Variants in NEGR1 observed in about 807,000 individuals in gnomAD.
The protein encoded by NEGR1 is neuronal growth regulator 1.
A neutral mutation model predicts 40.9 loss-of-function variants in NEGR1; 10 were observed. The ratio of observed to expected loss-of-function variants is 0.24; its 90% CI spans 0.15 to 0.42. The LOEUF (loss-of-function observed/expected upper bound fraction) is 0.42, where lower values mean the gene tolerates loss of function less well. NEGR1 is among the 10% of genes least tolerant of loss of function. The pLI is 1.00. For synonymous variants in NEGR1, 185 were observed against 166.8 expected, an observed-to-expected ratio of 1.11 and a Z score of -0.84; for missense variants, 352 against 438.9, an observed-to-expected ratio of 0.80 and a Z score of 1.77.
At chr1:71,798,495 C>T (rs1444480176) in intron 2 of NEGR1, among the ~76,000 whole-genome samples, 2 of 152,146 alleles carry the variant, frequency 1.3e-5, no homozygotes, top group Non-Finnish European at 2.9e-5. Flanking sequence ...TTAATTATAT[C>T]TTCACTGTGC....
chr1:71,614,364 TCACAAA>T (rs770460063), intron 4 of NEGR1, among the ~76,000 whole-genome samples: 3 of 152,190 alleles, frequency 2.0e-5, no homozygotes, highest in Non-Finnish European at 4.4e-5. Flanking sequence ...ATACGTATAT[TCACAAA>T]CACAAGAAAT....
At chr1:71,850,639 A>G (rs576547770) in intron 2 of NEGR1, among the ~76,000 whole-genome samples, 299 of 152,288 alleles carry the variant, frequency 2.0e-3, no homozygotes, top group Middle Eastern at 0.014. Flanking sequence ...AATTATTTCT[A>G]CATACTTTTG....
intron 2 of NEGR1, among the ~76,000 whole-genome samples, chr1:71,851,442 A>G (rs928794773): frequency 1.3e-5 from 2 of 152,198 alleles, no homozygotes; most frequent in African/African-American, 4.8e-5. Context: ...TTTTAAAATT[A>G]TTTTTACTAC....
chr1:72,205,290 G>A (rs1388517409), intron 1 of NEGR1, among the ~76,000 whole-genome samples: 2 of 151,668 alleles, frequency 1.3e-5, no homozygotes, highest in Non-Finnish European at 1.5e-5. Flanking sequence ...TTAACTCTAT[G>A]GCCACTACTT....
At chr1:71,443,147 A>G (rs1273353658) in intron 6 of NEGR1, among the ~76,000 whole-genome samples, 1 of 152,182 alleles carries the variant, frequency 6.6e-6, no homozygotes, top group Non-Finnish European at 1.5e-5. Context: ...TCTAAACATT[A>G]TACTTATTTA....
chr1:71,864,367 G>C (rs1660050451), intron 2 of NEGR1, among the ~76,000 whole-genome samples: 1 of 152,152 alleles, frequency 6.6e-6, no homozygotes, highest in Non-Finnish European at 1.5e-5. Flanking sequence ...GAATGGTCTA[G>C]CAGTGGCTAG....
At chr1:71,618,967 G>A (rs543876058) in intron 4 of NEGR1, among the ~76,000 whole-genome samples, 33 of 152,108 alleles carry the variant, frequency 2.2e-4, no homozygotes, top group Non-Finnish European at 3.8e-4. Flanking sequence ...TATGTTGTCC[G>A]TGACTTTTAA....
In NEGR1 at chr1:71,966,967, T is replaced by A. The variant is rs574316276; in HGVS notation, c.177-31656A>T. ...CTTAGAAGAAGGGTGCAAGTCAATT[T>A]TACTATAATTTTATATTCAGTAGGC... On this transcript the variant is annotated intron_variant, in intron 1 of 6. Coordinates refer to ENST00000357731, the MANE Select transcript of NEGR1 (RefSeq NM_173808.3). 2.0e-5 allele frequency among the ~76,000 whole-genome samples: 3 copies of A among 152,296 alleles called. No homozygotes were observed. In the East Asian group the frequency reaches 5.8e-4, roughly 29 times the overall value.
intron 1 of NEGR1, among the ~76,000 whole-genome samples, chr1:72,004,114 C>T (rs1401300339): frequency 6.6e-6 from 1 of 151,790 alleles, no homozygotes; most frequent in Non-Finnish European, 1.5e-5. Flanking sequence ...TGCCTTAAGC[C>T]ACTATTCTTT....
At chr1:71,713,281 T>A (rs955151618) in intron 3 of NEGR1, among the ~76,000 whole-genome samples, 1 of 152,228 alleles carries the variant, frequency 6.6e-6, no homozygotes, top group Non-Finnish European at 1.5e-5. Context: ...GGGAAAATTA[T>A]TTGTGCATTT....
chr1:71,876,138 A>T (rs954683925), intron 2 of NEGR1, among the ~76,000 whole-genome samples: 2 of 152,174 alleles, frequency 1.3e-5, no homozygotes, highest in African/African-American at 2.4e-5. Flanking sequence ...ATTTTTTAAC[A>T]TATTAACTCT....
intron 1 of NEGR1, among the ~76,000 whole-genome samples, chr1:71,978,702 A>T (rs1454435485): frequency 1.3e-5 from 2 of 152,186 alleles, no homozygotes; most frequent in African/African-American, 4.8e-5. Flanking sequence ...AAAATCAAAA[A>T]TAACATGCTA....
intron 3 of NEGR1, among the ~76,000 whole-genome samples, chr1:71,731,905 A>G (rs1321748865): frequency 1.3e-5 from 2 of 152,208 alleles, no homozygotes; most frequent in Admixed American, 6.5e-5. Flanking sequence ...GGGGAGAGTC[A>G]ATTTAGCATG....
At chr1:71,832,847 A>C (rs1257166930) in intron 2 of NEGR1, among the ~76,000 whole-genome samples, 1 of 152,062 alleles carries the variant, frequency 6.6e-6, no homozygotes, top group Non-Finnish European at 1.5e-5. Flanking sequence ...TGTTTTATAC[A>C]GAATTTGTTT....
At chr1:71,973,335 A>G (rs967690507) in intron 1 of NEGR1, among the ~76,000 whole-genome samples, 143 of 151,930 alleles carry the variant, frequency 9.4e-4, no homozygotes, top group African/African-American at 3.2e-3. Flanking sequence ...AAAAAAAAAA[A>G]AAGAAACAGA....
chr1:72,118,858 A>G (rs908178734), intron 1 of NEGR1, among the ~76,000 whole-genome samples: 4 of 151,696 alleles, frequency 2.6e-5, no homozygotes, highest in Non-Finnish European at 4.4e-5. Flanking sequence ...CACTATTTTC[A>G]ACCAAATTTT....
chr1:71,980,012 G>A (rs1030141326), intron 1 of NEGR1, among the ~76,000 whole-genome samples: 1 of 152,130 alleles, frequency 6.6e-6, no homozygotes, highest in Non-Finnish European at 1.5e-5. Flanking sequence ...AGTGGTAAAA[G>A]TGAGTACTGC....
intron 1 of NEGR1, among the ~76,000 whole-genome samples, chr1:71,972,421 A>G (rs991037554): frequency 6.6e-6 from 1 of 152,188 alleles, no homozygotes; most frequent in African/African-American, 2.4e-5. Context: ...AATAATATAA[A>G]TCTTTCTACA....
Position 71,620,865 on chromosome 1 carries a change from C to T in NEGR1, c.668-9719G>A, listed in dbSNP as rs139913580. Among the ~76,000 whole-genome samples the T allele has an allele frequency of 2.6e-4, 39 of 152,018 alleles. 3 individuals carry two copies. In the East Asian group the frequency reaches 7.6e-3, roughly 29 times the overall value. On this transcript the variant is annotated intron_variant, in intron 4 of 6. Transcript: ENST00000357731. ...TGCAGTGCAACAAACGTAGCTCTAA[C>T]ATTTACTGTCTGAAGTACTTAACCC...
Sources: allele counts gnomAD v4.1 joint callset (sites outside exome capture counted in the v4.1 genomes callset), GRCh38; gene constraint gnomAD v4.1.1; transcripts MANE v1.5; gene names NCBI Gene and HGNC (gene_info 2026-07-23, HGNC 2026-07-21).